Variants in CNTN4 observed in about 807,000 individuals in gnomAD.
CNTN4 encodes the protein contactin-4.
A neutral mutation model predicts 122.5 loss-of-function variants in CNTN4; 77 were observed. That is an observed-to-expected ratio of 0.63 (90% CI 0.52 to 0.76). The LOEUF (loss-of-function observed/expected upper bound fraction) is 0.76. Ranked by LOEUF, CNTN4 falls within the 30% of genes least tolerant of loss-of-function variation. The pLI, the probability that CNTN4 is intolerant of heterozygous loss-of-function variation, is 0.00. For missense variants in CNTN4, 1,256 were observed against 1,259.1 expected, an observed-to-expected ratio of 1.00 and a Z score of 0.04; for synonymous variants, 512 against 447.0, an observed-to-expected ratio of 1.15 and a Z score of -1.83.
At chr3:2,938,897 G>A (rs918423800) in intron 13 of CNTN4, among the ~76,000 whole-genome samples, 22 of 152,170 alleles carry the variant, frequency 1.4e-4, no homozygotes, top group Non-Finnish European at 2.8e-4. Flanking sequence ...TCAAACCAAA[G>A]TGGCATGTCA....
chr3:2,124,783 A>G (rs372024547), intron 2 of CNTN4, among the ~76,000 whole-genome samples: 2 of 152,260 alleles, frequency 1.3e-5, no homozygotes, highest in African/African-American at 4.8e-5. Context: ...CCAACCAACA[A>G]AAAAGCAGCT....
At chr3:2,644,661 C>T (rs2083041936) in intron 4 of CNTN4, among the ~76,000 whole-genome samples, 2 of 150,074 alleles carry the variant, frequency 1.3e-5, no homozygotes, top group Admixed American at 1.3e-4. Flanking sequence ...CTCACCATGC[C>T]CTATAGGGTC....
At chr3:3,042,749 G>A (rs935270034) in intron 21 of CNTN4, 10 of 599,530 alleles carry the variant, frequency 1.7e-5, no homozygotes, top group Non-Finnish European at 2.7e-5. Flanking sequence ...AATGAACGAC[G>A]GTTGTGTCAA....
intron 2 of CNTN4, among the ~76,000 whole-genome samples, chr3:2,268,457 C>G (rs1575216901): frequency 6.6e-6 from 1 of 151,366 alleles, no homozygotes; most frequent in Non-Finnish European, 1.5e-5. Context: ...GTTACTGCCA[C>G]TAAATTTTAA....
At chr3:2,654,648 A>T (rs879684777) in intron 4 of CNTN4, among the ~76,000 whole-genome samples, 1 of 152,184 alleles carries the variant, frequency 6.6e-6, no homozygotes, top group Non-Finnish European at 1.5e-5. Context: ...TGAAGAATGT[A>T]TCTTTGTTTA....
chr3:2,777,293 A>G (rs989499012), intron 6 of CNTN4, among the ~76,000 whole-genome samples: 2 of 152,226 alleles, frequency 1.3e-5, no homozygotes, highest in African/African-American at 2.4e-5. Context: ...TATCTATCTC[A>G]GGTTAATTAT....
At chr3:2,749,347 A>G (rs944669069) in intron 6 of CNTN4, among the ~76,000 whole-genome samples, 1 of 87,158 alleles carries the variant, frequency 1.1e-5, no homozygotes, top group African/African-American at 4.5e-5. Context: ...TTTTTTTTGT[A>G]TTTTTAGTAG....
chr3:2,854,181 T>C (rs1313431905), intron 7 of CNTN4, among the ~76,000 whole-genome samples: 1 of 151,948 alleles, frequency 6.6e-6, no homozygotes, highest in Non-Finnish European at 1.5e-5. Context: ...GTTATTGGTT[T>C]CACAGGAGCA....
At chr3:2,679,843 G>T (rs1015162994) in intron 4 of CNTN4, among the ~76,000 whole-genome samples, 24 of 152,034 alleles carry the variant, frequency 1.6e-4, no homozygotes, top group African/African-American at 5.1e-4. Flanking sequence ...TTATGTGGTT[G>T]GATTTTTATT....
intron 4 of CNTN4, among the ~76,000 whole-genome samples, chr3:2,573,981 C>A (rs766287722): frequency 9.9e-5 from 15 of 152,092 alleles, no homozygotes; most frequent in Non-Finnish European, 1.9e-4. Context: ...GTTTGGGAGG[C>A]CGAGGTGGGT....
chr3:2,205,576 A>C (rs150726661), intron 2 of CNTN4, among the ~76,000 whole-genome samples: 4 of 151,970 alleles, frequency 2.6e-5, no homozygotes. Context: ...AAGCTCCCAA[A>C]GGGCAGAGAT....
At chr3:2,968,085 T>A (rs1692511948) in intron 13 of CNTN4, among the ~76,000 whole-genome samples, 1 of 152,192 alleles carries the variant, frequency 6.6e-6, no homozygotes, top group Non-Finnish European at 1.5e-5. Flanking sequence ...AAGCTGAGAT[T>A]GCATTTGCTG....
At chr3:2,807,530 C>T (rs867822337) in intron 6 of CNTN4, among the ~76,000 whole-genome samples, 5 of 151,530 alleles carry the variant, frequency 3.3e-5, no homozygotes, top group Admixed American at 1.3e-4. Context: ...AATTCAGCAT[C>T]CAGTATCCCA....
At chr3:2,778,306 A>AAGAGAAAACCATGATACAATTGTTTTTT (rs2091432205) in intron 6 of CNTN4, among the ~76,000 whole-genome samples, 1 of 152,112 alleles carries the variant, frequency 6.6e-6, no homozygotes, top group Non-Finnish European at 1.5e-5. Flanking sequence ...ATGTATGTAT[A>AAGAGAAAACCATGATACAATTGTTTTTT]AGAGAAAACC....
chr3:2,399,471 TGA>T (rs1382806677), intron 3 of CNTN4, among the ~76,000 whole-genome samples: 1 of 152,202 alleles, frequency 6.6e-6, no homozygotes, highest in South Asian at 2.1e-4. Flanking sequence ...CAGAATGGAG[TGA>T]GAGAGAGCTG....
intron 3 of CNTN4, among the ~76,000 whole-genome samples, chr3:2,403,683 AT>A (rs1028203143): frequency 7.2e-5 from 11 of 152,208 alleles, no homozygotes; most frequent in East Asian, 1.9e-4. Context: ...GATTGTTTAT[AT>A]TTTTTTGAAC....
chr3:2,767,359 A>T (rs2090907532), intron 6 of CNTN4, among the ~76,000 whole-genome samples: 1 of 152,180 alleles, frequency 6.6e-6, no homozygotes, highest in African/African-American at 2.4e-5. Flanking sequence ...AGGTATGTAG[A>T]CATGCTTGAG....
At chr3:2,589,668 G>A (rs1028194560) in intron 4 of CNTN4, among the ~76,000 whole-genome samples, 2 of 152,196 alleles carry the variant, frequency 1.3e-5, no homozygotes, top group Admixed American at 6.5e-5. Flanking sequence ...TCTGATTCAG[G>A]AAATTATACT....
intron 4 of CNTN4, among the ~76,000 whole-genome samples, chr3:2,687,317 C>T (rs115246688): frequency 8.2e-5 from 1 of 12,220 alleles, no homozygotes; most frequent in African/African-American, 2.0e-4. Context: ...TCAGCAACTT[C>T]ACCCATTTAC....
Sources: gnomAD v4.1 joint callset for allele counts (sites outside exome capture counted in the v4.1 genomes callset) on GRCh38, gnomAD v4.1.1 for gene constraint, MANE v1.5 for transcripts, NCBI Gene and HGNC (gene_info 2026-07-23, HGNC 2026-07-21) for gene names.